Variants in SPATA13 observed in about 807,000 individuals in gnomAD.
The protein encoded by SPATA13 is spermatogenesis associated 13, also known as spermatogenesis-associated protein 13.
SPATA13 carries 50 observed loss-of-function variants against 104.0 expected under a neutral mutation model. The observed-to-expected ratio is 0.48, with a 90% confidence interval of 0.38 to 0.61. The LOEUF (loss-of-function observed/expected upper bound fraction) is 0.61, where lower values mean the gene tolerates loss of function less well. Among genes scored for constraint, SPATA13 ranks in the 20% least tolerant of loss-of-function variants. The pLI, the probability that SPATA13 is intolerant of heterozygous loss-of-function variation, is 0.00. For missense variants in SPATA13, 1,524 were observed against 1,690.6 expected, an observed-to-expected ratio of 0.90 and a Z score of 1.73; for synonymous variants, 606 against 667.5, an observed-to-expected ratio of 0.91 and a Z score of 1.42.
intron 3 of SPATA13, among the ~76,000 whole-genome samples, chr13:24,087,906 G>A (rs1446543030): frequency 6.6e-6 from 1 of 152,194 alleles, no homozygotes; most frequent in Non-Finnish European, 1.5e-5. Flanking sequence ...CGGTAGTCTT[G>A]CCCATTGCTC....
intron 2 of SPATA13, among the ~76,000 whole-genome samples, chr13:24,233,897 ACACAC>A (rs1872424181): frequency 7.3e-6 from 1 of 136,140 alleles, no homozygotes. Context: ...ACACACACAC[ACACAC>A]ACACACACAC....
intron 3 of SPATA13, among the ~76,000 whole-genome samples, chr13:24,089,575 T>C (rs1011154526): frequency 6.6e-6 from 1 of 152,164 alleles, no homozygotes; most frequent in African/African-American, 2.4e-5. Flanking sequence ...GTGGTAGAAT[T>C]TGCATAGTAT....
intron 1 of SPATA13, among the ~76,000 whole-genome samples, chr13:24,213,610 C>G (rs757244821): frequency 6.6e-6 from 1 of 152,152 alleles, no homozygotes; most frequent in Non-Finnish European, 1.5e-5. Flanking sequence ...TTCTCCCTGT[C>G]CTTTTTCTCA....
At chr13:24,302,211 C>CATG (rs1877237107) in intron 12 of SPATA13, among the ~76,000 whole-genome samples, 1 of 152,126 alleles carries the variant, frequency 6.6e-6, no homozygotes, top group South Asian at 2.1e-4. Context: ...GAGACTGTGT[C>CATG]ACGCTCCACA....
intron 3 of SPATA13, among the ~76,000 whole-genome samples, chr13:24,044,233 C>CTTTTTT (rs67709070): frequency 5.7e-5 from 7 of 122,994 alleles, no homozygotes; most frequent in Non-Finnish European, 8.1e-5. Flanking sequence ...TTCTTTCTTT[C>CTTTTTT]TTTTTTTTTT....
chr13:24,079,358 A>G (rs919424514), intron 3 of SPATA13, among the ~76,000 whole-genome samples: 1 of 152,234 alleles, frequency 6.6e-6, no homozygotes, highest in South Asian at 2.1e-4. Flanking sequence ...AGGGGGTGAC[A>G]TGATCCACGC....
chr13:24,134,623 T>C (rs1881498321), intron 3 of SPATA13, among the ~76,000 whole-genome samples: 2 of 152,090 alleles, frequency 1.3e-5, no homozygotes, highest in Admixed American at 6.5e-5. Context: ...GGATATGCCA[T>C]CTTGATAGAC....
At chr13:24,226,680 C>T (rs578152179) in intron 2 of SPATA13, among the ~76,000 whole-genome samples, 1 of 152,294 alleles carries the variant, frequency 6.6e-6, no homozygotes, top group Admixed American at 6.5e-5. Context: ...AATGCTCCTT[C>T]CCACCCATCC....
chr13:24,172,023 A>C (rs763031182), intron 1 of SPATA13, among the ~76,000 whole-genome samples: 6 of 152,202 alleles, frequency 3.9e-5, no homozygotes, highest in Non-Finnish European at 7.3e-5. Flanking sequence ...TGGTGGAACT[A>C]AGGATCTTGA....
chr13:24,134,540 G>A (rs558115311), intron 3 of SPATA13, among the ~76,000 whole-genome samples: 5 of 152,094 alleles, frequency 3.3e-5, no homozygotes, highest in Non-Finnish European at 7.3e-5. Context: ...AATGGGAAAT[G>A]CTTCCAGGAG....
intron 3 of SPATA13, among the ~76,000 whole-genome samples, chr13:24,128,507 A>G (rs949662486): frequency 6.6e-6 from 1 of 152,148 alleles, no homozygotes; most frequent in African/African-American, 2.4e-5. Flanking sequence ...AGGAAAGTGC[A>G]TGGGTCCAGG....
intron 1 of SPATA13, among the ~76,000 whole-genome samples, chr13:24,199,820 G>A (rs61044216): frequency 6.6e-6 from 1 of 152,196 alleles, no homozygotes; most frequent in African/African-American, 2.4e-5. Context: ...TGTTTGTCAA[G>A]TGTTCCCACT....
intron 3 of SPATA13, among the ~76,000 whole-genome samples, chr13:24,064,350 A>C (rs192437359): frequency 2.0e-3 from 310 of 152,346 alleles, no homozygotes; most frequent in South Asian, 3.9e-3. Context: ...ATGGGAGAGC[A>C]GTAACCTCAC....
intron 2 of SPATA13, among the ~76,000 whole-genome samples, chr13:23,986,588 G>A (rs1875157146): frequency 6.6e-6 from 1 of 152,170 alleles, no homozygotes; most frequent in African/African-American, 2.4e-5. Flanking sequence ...CAAGGATGAT[G>A]GTATCTCCAT....
At chr13:23,996,616 C>CTGATGATTGGCTGA (rs142743167) in intron 2 of SPATA13, among the ~76,000 whole-genome samples, 4 of 151,806 alleles carry the variant, frequency 2.6e-5, no homozygotes, top group Admixed American at 2.0e-4. Context: ...CTGTGCTTGG[C>CTGATGATTGGCTGA]TGATTGGCTG....
rs557668415 is a variant in SPATA13, at chr13:24,223,495, C to T, written c.566C>T (p.Thr189Met). Residue 189 changes from threonine to methionine, a missense_variant, in exon 2 of 13, where the codon ACG becomes ATG. By Grantham distance (81) the Thr-to-Met change is moderately conservative. Coordinates refer to ENST00000382108, the MANE Select transcript of SPATA13 (RefSeq NM_001166271.3). ...GTLDGSDLEDTDDAFQRSTHR... is the reference protein window; with the variant it reads ...GTLDGSDLEDMDDAFQRSTHR... The stretch of plus-strand genomic sequence containing the variant: ...TTGGATGGCTCCGACCTCGAGGACA[C>T]GGACGATGCCTTCCAGCGGAGCACA... 9.0e-6 allele frequency: 14 copies of T among 1,548,576 alleles called. No homozygotes were observed. Among genetic ancestry groups the T allele is most frequent in the African/African-American group, 4.1e-5 (3 of 73,196 alleles).
chr13:24,146,715 CA>C (rs1217664422), intron 3 of SPATA13, among the ~76,000 whole-genome samples: 22 of 152,188 alleles, frequency 1.4e-4, no homozygotes, highest in Admixed American at 5.9e-4. Flanking sequence ...TTATGTTATA[CA>C]TTTAATTAGT....
At chr13:24,126,727 T>G (rs1454071387) in intron 3 of SPATA13, among the ~76,000 whole-genome samples, 1 of 152,102 alleles carries the variant, frequency 6.6e-6, no homozygotes, top group East Asian at 1.9e-4. Flanking sequence ...CAGCTAATTT[T>G]ATATTTTTTT....
In SPATA13 at chr13:24,008,889, G is replaced by C. The variant is rs561766812; in HGVS notation, c.-146-8778G>C. The stretch of plus-strand genomic sequence containing the variant: ...GGCCCCAGACAGCCATTCAGCCAAG[G>C]AGGAGGGAAGAGGGGGGAAAGCATA... On this transcript the variant is annotated intron_variant, in intron 2 of 14. Transcript: ENST00000424834. Among the ~76,000 whole-genome samples the C allele has an allele frequency of 1.2e-4, 19 of 152,332 alleles. No homozygotes were observed. In the East Asian group the frequency reaches 3.7e-3, roughly 29 times the overall value.
Sources: allele counts gnomAD v4.1 joint callset (sites outside exome capture counted in the v4.1 genomes callset), GRCh38; gene constraint gnomAD v4.1.1; transcripts MANE v1.5; gene names NCBI Gene and HGNC (gene_info 2026-07-23, HGNC 2026-07-21).